The following CLYBL variants were observed in gnomAD, a reference collection of about 807,000 sequenced individuals.
CLYBL encodes the protein citramalyl-CoA lyase, mitochondrial.
A neutral mutation model predicts 38.9 loss-of-function variants in CLYBL; 31 were observed. That is an observed-to-expected ratio of 0.80 (90% confidence interval 0.60 to 1.08). The LOEUF is 1.08. Ranked by LOEUF, CLYBL falls within the 50% of genes least tolerant of loss-of-function variation. The pLI is 0.00. For missense variants in CLYBL, 434 were observed against 411.6 expected, an observed-to-expected ratio of 1.05 and a Z score of -0.47; for synonymous variants, 171 against 158.6, an observed-to-expected ratio of 1.08 and a Z score of -0.59.
chr13:99,650,458 G>T (rs1342313785), intron 1 of CLYBL, among the ~76,000 whole-genome samples: 6 of 152,218 alleles, frequency 3.9e-5, no homozygotes, highest in Non-Finnish European at 4.4e-5. Flanking sequence ...GAAATAAGAA[G>T]AGTGTTAGAA....
intron 1 of CLYBL, among the ~76,000 whole-genome samples, chr13:99,684,035 A>ATTTTTTTTTTTTTTTTTTTTTTTTTTT (rs778902077): frequency 1.2e-5 from 1 of 86,380 alleles, no homozygotes; most frequent in Non-Finnish European, 2.2e-5. Context: ...TGCCTGGCTA[A>ATTTTTTTTTTTTTTTTTTTTTTTTTTT]TTTTTTTTTT....
chr13:99,837,907 T>C (rs2050976750), intron 2 of CLYBL, among the ~76,000 whole-genome samples: 2 of 152,226 alleles, frequency 1.3e-5, no homozygotes, highest in Admixed American at 1.3e-4. Context: ...GTACTAAGCT[T>C]CTTAACCATA....
intron 1 of CLYBL, among the ~76,000 whole-genome samples, chr13:99,656,337 C>T (rs546771610): frequency 2.5e-4 from 38 of 152,206 alleles, no homozygotes; most frequent in Non-Finnish European, 5.0e-4. Context: ...GTCGGGTCCA[C>T]GGCACTTTCC....
rs931882248 is a variant in CLYBL, at chr13:99,676,102, C to T, written c.62+69345C>T. On this transcript the variant is annotated intron_variant, in intron 1 of 8. Coordinates refer to ENST00000339105, the MANE Select transcript of CLYBL (RefSeq NM_206808.5). ...AACTCCTACCCTCAGGTGATCTGCC[C>T]GCCTCGGCCTCCCATGGTGCTGGGA... is the stretch of plus-strand genomic sequence containing the variant. Among the ~76,000 whole-genome samples the T allele has an allele frequency of 7.2e-5, 11 of 152,198 alleles. 1 individual carries two copies. Among genetic ancestry groups the T allele is most frequent in the South Asian group, 2.1e-4 (1 of 4,822 alleles).
At chr13:99,894,271 C>CCACTGGGCT (rs1249646023), downstream of CLYBL, 2 of 152,246 alleles carry the variant, frequency 1.3e-5, no homozygotes, top group Non-Finnish European at 2.9e-5. Flanking sequence ...TGTGTGATCT[C>CCACTGGGCT]CACTGGGCTC....
chr13:99,697,691 C>CTG (rs1387851926), intron 1 of CLYBL, among the ~76,000 whole-genome samples: 1 of 146,474 alleles, frequency 6.8e-6, no homozygotes, highest in South Asian at 2.2e-4. Flanking sequence ...CAGGGTCTCA[C>CTG]TGTGTTGTGC....
At chr13:99,787,654 T>C (rs1395178484) in intron 2 of CLYBL, among the ~76,000 whole-genome samples, 2 of 152,220 alleles carry the variant, frequency 1.3e-5, no homozygotes, top group African/African-American at 4.8e-5. Context: ...GCTTTGTTCT[T>C]TTGGCTTAGG....
intron 1 of CLYBL, among the ~76,000 whole-genome samples, chr13:99,728,577 T>C (rs1025539524): frequency 3.4e-4 from 51 of 151,870 alleles, no homozygotes; most frequent in Admixed American, 1.4e-3. Context: ...CTTCTTTTTT[T>C]TTTTTTCTTT....
intron 1 of CLYBL, among the ~76,000 whole-genome samples, chr13:99,771,697 A>G (rs1226905445): frequency 2.6e-5 from 4 of 152,158 alleles, no homozygotes; most frequent in Non-Finnish European, 5.9e-5. Flanking sequence ...CAGAGACTGA[A>G]CTTGGTATGA....
At chr13:99,900,897 AAC>A (rs1248313677), downstream of CLYBL, among the ~76,000 whole-genome samples, 2 of 152,198 alleles carry the variant, frequency 1.3e-5, no homozygotes, top group African/African-American at 4.8e-5. Context: ...AGTCATCAAA[AAC>A]ACAGCCAGGA....
intron 1 of CLYBL, among the ~76,000 whole-genome samples, chr13:99,653,955 CT>C (rs2139309665): frequency 6.6e-6 from 1 of 152,310 alleles, no homozygotes; most frequent in South Asian, 2.1e-4. Context: ...TTCTTCCCCC[CT>C]CACTTGAAAC....
chr13:99,721,185 A>C (rs1304545830), intron 1 of CLYBL, among the ~76,000 whole-genome samples: 3 of 151,886 alleles, frequency 2.0e-5, no homozygotes, highest in African/African-American at 7.3e-5. Context: ...CTGGGATTAC[A>C]GGCACCCACC....
Position 99,870,950 on chromosome 13 carries a change from T to G in CLYBL, c.815T>G (p.Ile272Ser), listed in dbSNP as rs1284827314. 18 of 1,609,640 alleles carry G rather than the reference T, an allele frequency of 1.1e-5. No individual in the cohort carries two copies. The Admixed American group carries it at 3.0e-4, about 27-fold the overall frequency. ...AAMGFTGKQV[I>S]HPNQIAVVQE... ...AATATTCTTGTAGGTAAGCAGGTGATTCACCCTAACCAAATTGCCGTGGTC... is the reference window on the plus strand; with the variant it reads ...AATATTCTTGTAGGTAAGCAGGTGAGTCACCCTAACCAAATTGCCGTGGTC... The change falls in exon 7 of 9, where the codon ATT becomes AGT. Residue 272 changes from isoleucine (I) to serine (S), a missense_variant. Physicochemically the swap from Ile to Ser is moderately radical, Grantham distance 142 (BLOSUM62 -2). Transcript: ENST00000339105.
chr13:99,654,069 G>A (rs2047293173), intron 1 of CLYBL, among the ~76,000 whole-genome samples: 1 of 152,116 alleles, frequency 6.6e-6, no homozygotes, highest in African/African-American at 2.4e-5. Flanking sequence ...TCTTCCCCAA[G>A]GCGGCTGCTT....
chr13:99,889,301 C>T (rs926500667), intron 7 of CLYBL, among the ~76,000 whole-genome samples: 1 of 152,194 alleles, frequency 6.6e-6, no homozygotes, highest in Admixed American at 6.5e-5. Context: ...CCATAACCCA[C>T]TTGGTGGGTG....
intron 1 of CLYBL, among the ~76,000 whole-genome samples, chr13:99,672,316 C>T (rs543511739): frequency 7.9e-4 from 120 of 151,874 alleles, no homozygotes; most frequent in African/African-American, 2.8e-3. Flanking sequence ...AAGTGATCCT[C>T]CCACTTCAGC....
chr13:99,660,354 G>C (rs1329681117), intron 1 of CLYBL, among the ~76,000 whole-genome samples: 1 of 152,166 alleles, frequency 6.6e-6, no homozygotes, highest in Non-Finnish European at 1.5e-5. Context: ...AACTGCCTCG[G>C]TTTCCACTTT....
At chr13:99,826,019 A>C (rs2050688699) in intron 2 of CLYBL, among the ~76,000 whole-genome samples, 1 of 152,224 alleles carries the variant, frequency 6.6e-6, no homozygotes, top group Non-Finnish European at 1.5e-5. Context: ...TCTTTCTAGA[A>C]GGGAGAAGGC....
At chr13:99,686,286 A>G (rs2047816873) in intron 1 of CLYBL, among the ~76,000 whole-genome samples, 1 of 152,150 alleles carries the variant, frequency 6.6e-6, no homozygotes, top group African/African-American at 2.4e-5. Flanking sequence ...CTAGACTGAC[A>G]TGGGCCTGAC....
Sources: gnomAD v4.1 joint callset for allele counts (sites outside exome capture counted in the v4.1 genomes callset) on GRCh38, gnomAD v4.1.1 for gene constraint, MANE v1.5 for transcripts, NCBI Gene and HGNC (gene_info 2026-07-23, HGNC 2026-07-21) for gene names.